The following ITFG1 variants were observed in gnomAD, a reference collection of about 807,000 sequenced individuals.
The protein encoded by ITFG1 is T-cell immunomodulatory protein.
Under a neutral mutation model 81.8 loss-of-function variants are expected in ITFG1, and 34 were observed. The observed-to-expected ratio is 0.42, with a 90% CI of 0.32 to 0.55. ITFG1 has a LOEUF of 0.55. Among genes scored for constraint, ITFG1 ranks in the 20% least tolerant of loss-of-function variants. ITFG1 has a pLI of 0.17. For missense variants in ITFG1, 672 were observed against 755.4 expected (o/e 0.89, Z 1.29); for synonymous variants, 285 against 270.6 (o/e 1.05, Z -0.52).
chr16:47,199,269 CCCAAA>C (rs138629856), intron 14 of ITFG1, among the ~76,000 whole-genome samples: 21 of 150,744 alleles, frequency 1.4e-4, no homozygotes, highest in South Asian at 1.3e-3. Context: ...TCCAAAAAAA[CCCAAA>C]CCAAACCAAA....
chr16:47,444,998 A>G (rs1969304925), intron 5 of ITFG1, among the ~76,000 whole-genome samples: 3 of 152,010 alleles, frequency 2.0e-5, no homozygotes, highest in Admixed American at 2.0e-4. Context: ...CATTAAAACA[A>G]AAACTGTCAT....
chr16:47,332,748 C>G (rs755602477), intron 8 of ITFG1, among the ~76,000 whole-genome samples: 1 of 152,106 alleles, frequency 6.6e-6, no homozygotes, highest in Non-Finnish European at 1.5e-5. Context: ...GTCATGGGGT[C>G]CTTCAACCCA....
At chr16:47,364,794 T>C (rs1968153773) in intron 8 of ITFG1, among the ~76,000 whole-genome samples, 1 of 152,204 alleles carries the variant, frequency 6.6e-6, no homozygotes, top group Non-Finnish European at 1.5e-5. Context: ...AGTGACTTGA[T>C]TTAGTCAGCT....
chr16:47,292,163 G>A (rs368103929), intron 10 of ITFG1, among the ~76,000 whole-genome samples: 52 of 152,004 alleles, frequency 3.4e-4, no homozygotes, highest in Admixed American at 9.8e-4. Flanking sequence ...ACAGGCGCCC[G>A]CCACCACACC....
chr16:47,419,904 A>G (rs979447191), intron 6 of ITFG1, among the ~76,000 whole-genome samples: 3 of 149,718 alleles, frequency 2.0e-5, no homozygotes, highest in African/African-American at 7.4e-5. Flanking sequence ...CGCCCGCCCT[A>G]CTTCAGGTCT....
At chr16:47,441,146 G>T (rs150436815) in intron 5 of ITFG1, among the ~76,000 whole-genome samples, 1,934 of 152,230 alleles carry the variant, frequency 0.013, 20 homozygotes, top group Non-Finnish European at 0.022. Context: ...TTGAATCTCT[G>T]AGTAGACCAA....
intron 8 of ITFG1, among the ~76,000 whole-genome samples, chr16:47,365,154 T>C (rs1968159750): frequency 6.6e-6 from 1 of 152,134 alleles, no homozygotes; most frequent in South Asian, 2.1e-4. Flanking sequence ...AAGCCTACGG[T>C]GGTTTATTGG....
At chr16:47,404,754 T>C (rs556564360) in intron 6 of ITFG1, among the ~76,000 whole-genome samples, 1 of 152,318 alleles carries the variant, frequency 6.6e-6, no homozygotes, top group Non-Finnish European at 1.5e-5. Context: ...CTCATCCATG[T>C]TAATATGTTT....
intron 6 of ITFG1, among the ~76,000 whole-genome samples, chr16:47,401,163 G>A (rs541391089): frequency 4.5e-4 from 69 of 152,264 alleles, no homozygotes; most frequent in African/African-American, 1.4e-3. Flanking sequence ...TTTGGGAACT[G>A]ATTGGATGTG....
intron 6 of ITFG1, chr16:47,396,219 T>C: frequency 1.0e-6 from 1 of 962,754 alleles, no homozygotes. Context: ...AAATACATTG[T>C]TAAATGCCAA....
intron 8 of ITFG1, among the ~76,000 whole-genome samples, chr16:47,348,216 A>G (rs1967889109): frequency 6.6e-6 from 1 of 152,236 alleles, no homozygotes. Context: ...ACGGAGAATA[A>G]CTTTGACGAG....
At chr16:47,444,660 T>C (rs758567922) in intron 5 of ITFG1, among the ~76,000 whole-genome samples, 2 of 152,206 alleles carry the variant, frequency 1.3e-5, no homozygotes, top group Admixed American at 1.3e-4. Flanking sequence ...TTTCTTGATA[T>C]GATTTTATAA....
At chr16:47,313,905 C>A in intron 8 of ITFG1, 82 bp from the exon 9 acceptor site, 1 of 682,104 alleles carries the variant, frequency 1.5e-6, no homozygotes. Flanking sequence ...ACTATTTGTT[C>A]AAAGTCTACA....
intron 5 of ITFG1, among the ~76,000 whole-genome samples, chr16:47,433,792 T>TATATATATATATATATATACAC (rs1491145615): frequency 7.4e-6 from 1 of 135,652 alleles, no homozygotes; most frequent in African/African-American, 2.8e-5. Flanking sequence ...TATATATATA[T>TATATATATATATATATATACAC]ACACACACAC....
At chr16:47,274,590 T>C (rs922918594) in intron 10 of ITFG1, among the ~76,000 whole-genome samples, 10 of 152,178 alleles carry the variant, frequency 6.6e-5, no homozygotes, top group South Asian at 4.1e-4. Flanking sequence ...AGTGACCCAA[T>C]TGAAGATTTA....
chr16:47,259,224 T>C (rs1966176926), intron 11 of ITFG1, among the ~76,000 whole-genome samples: 1 of 152,268 alleles, frequency 6.6e-6, no homozygotes, highest in East Asian at 1.9e-4. Context: ...ATCATATTTT[T>C]AAATATGTCA....
At chr16:47,404,180 A>G (rs1968699322) in intron 6 of ITFG1, among the ~76,000 whole-genome samples, 1 of 152,136 alleles carries the variant, frequency 6.6e-6, no homozygotes, top group Non-Finnish European at 1.5e-5. Context: ...AAAAATCCTC[A>G]AGAACACAGA....
chr16:47,347,771 T>G (rs941698326), intron 8 of ITFG1, among the ~76,000 whole-genome samples: 1 of 152,190 alleles, frequency 6.6e-6, no homozygotes, highest in African/African-American at 2.4e-5. Context: ...GACCCCCAAG[T>G]AGCCTATCTG....
chr16:47,385,746 T>C (rs1265175808), intron 6 of ITFG1, among the ~76,000 whole-genome samples: 1 of 152,216 alleles, frequency 6.6e-6, no homozygotes, highest in African/African-American at 2.4e-5. Flanking sequence ...GAGTGCTCAC[T>C]TCAATGAGAA....
Sources: gnomAD v4.1 joint callset for allele counts (sites outside exome capture counted in the v4.1 genomes callset) on GRCh38, gnomAD v4.1.1 for gene constraint, MANE v1.5 for transcripts, NCBI Gene and HGNC (gene_info 2026-07-23, HGNC 2026-07-21) for gene names.